KANK2: variants seen among roughly 807,000 people sequenced by gnomAD.
KANK2 encodes the protein KN motif and ankyrin repeat domains 2.
KANK2 carries 41 observed loss-of-function variants against 74.6 expected under a neutral mutation model. The observed-to-expected ratio is 0.55, with a 90% CI of 0.43 to 0.71. The LOEUF is 0.71. KANK2 is among the 30% of genes least tolerant of loss of function. The probability of loss-of-function intolerance (pLI) is 0.00; values close to 1 mark genes in which losing one functional copy is unlikely to be tolerated. For synonymous variants in KANK2, 537 were observed against 519.0 expected (o/e 1.03, Z -0.47); for missense variants, 1,148 against 1,196.4 (o/e 0.96, Z 0.60).
At position 11,192,967 on chromosome 19, in the gene KANK2, A is replaced by T. The variant is rs911398791; in HGVS notation, c.1113T>A (p.Gly371=). The part of the protein sequence containing the change: ...GTGLRALAMP[G]RPESPPVFRS... Reference sequence around the variant, plus strand: ...GGAACACAGGTGGGCTCTCAGGCCTACCAGGCATTGCCAGGGCCCTCAGCC... The same window carrying T: ...GGAACACAGGTGGGCTCTCAGGCCTTCCAGGCATTGCCAGGGCCCTCAGCC... The change falls in exon 4 of 13, where the codon GGT becomes GGA. Residue 371 remains glycine (G), a synonymous_variant. Transcript: ENST00000586659. The T allele has an allele frequency of 1.2e-6, 2 of 1,614,108 alleles. No homozygotes were observed. Among genetic ancestry groups the T allele is most frequent in the Admixed American group, 3.3e-5 (2 of 60,036 alleles).
At chr19:11,182,903 C>T (rs1257508206) in intron 4 of KANK2, among the ~76,000 whole-genome samples, 1 of 150,484 alleles carries the variant, frequency 6.6e-6, no homozygotes, top group Non-Finnish European at 1.5e-5. Flanking sequence ...CCAAAGCCCA[C>T]TCCGCCCCAA....
Position 11,194,492 on chromosome 19 carries a change from A to G in KANK2, c.20T>C (p.Val7Ala). 6.2e-7 allele frequency: 1 copy of G among 1,612,790 alleles called. No individual in the cohort carries two copies. Among genetic ancestry groups the G allele is most frequent in the Non-Finnish European group, 8.5e-7 (1 of 1,179,582 alleles). MAQVLH[V>A]PAPFPGTPGP... ...CCCCTGACCTGGGAAGGGAGCAGGC[A>G]CGTGCAGGACCTGGGCCATCTTCTT... Residue 7 changes from valine (V) to alanine (A), a missense_variant, in exon 3 of 13, where the codon GTG (valine) becomes GCG (alanine). Val to Ala is a moderately conservative substitution (Grantham distance 64). Coordinates refer to ENST00000586659, the MANE Select transcript of KANK2 (RefSeq NM_001136191.3).
chr19:11,191,015 G>A (rs1323823359), intron 4 of KANK2, among the ~76,000 whole-genome samples: 1 of 149,320 alleles, frequency 6.7e-6, no homozygotes, highest in Non-Finnish European at 1.5e-5. Context: ...ACAGGCGTGA[G>A]CCACCGTGCC....
chr19:11,193,353 G>T lies in KANK2; in HGVS notation c.727C>A (p.Arg243=), dbSNP rs752662319. The T allele has an allele frequency of 1.2e-6, 2 of 1,612,838 alleles. No individual in the cohort carries two copies. Among genetic ancestry groups the T allele is most frequent in the African/African-American group, 2.7e-5 (2 of 75,026 alleles). Residue 243 remains arginine, a synonymous_variant, in exon 4 of 13, where the codon CGG becomes AGG. Transcript: ENST00000586659. This position sits in a 1 kb window ranked among gnomAD's most constrained non-coding sequence, Gnocchi z 9.6. Reference sequence around the variant, plus strand: ...TCCAGGCAGAGCTCGCTGCGACCCCGGCCCGCTGTGGGGTGGCCCAGGAAC... The same window carrying T: ...TCCAGGCAGAGCTCGCTGCGACCCCTGCCCGCTGTGGGGTGGCCCAGGAAC... ...QKFLGHPTAG[R]GRSELCLDLP...
intron 6 of KANK2, 96 bp downstream of exon 6, chr19:11,178,249 G>T: frequency 1.8e-6 from 2 of 1,086,996 alleles, no homozygotes; most frequent in Non-Finnish European, 2.5e-6. Flanking sequence ...ACCAAAGCAA[G>T]GAGCTCAGAA....
At chr19:11,171,565 G>A (rs899933223) in intron 10 of KANK2, among the ~76,000 whole-genome samples, 2 of 151,024 alleles carry the variant, frequency 1.3e-5, no homozygotes, top group Non-Finnish European at 3.0e-5. Flanking sequence ...GGGGTGGGGG[G>A]GTGTCTCTAG....
chr19:11,174,204 T>C (rs1413175569), intron 9 of KANK2, among the ~76,000 whole-genome samples: 3 of 152,120 alleles, frequency 2.0e-5, no homozygotes, highest in East Asian at 1.9e-4. Context: ...TCCATCAGAC[T>C]GGGAGGGCCA....
chr19:11,188,396 G>T (rs911257386), intron 4 of KANK2, among the ~76,000 whole-genome samples: 2 of 148,876 alleles, frequency 1.3e-5, no homozygotes, highest in Non-Finnish European at 2.9e-5. Flanking sequence ...TTTAGTAGGG[G>T]TTTTTGCCAT....
rs2078158239 is a variant in KANK2 at position 11,170,980 on chromosome 19, C to A, written c.2212-732G>T. Among the ~76,000 whole-genome samples the A allele has an allele frequency of 6.6e-6, 1 of 152,212 alleles. No homozygotes were observed. Among genetic ancestry groups the A allele is most frequent in the Non-Finnish European group, 1.5e-5 (1 of 68,038 alleles). On this transcript the variant is annotated intron_variant, in intron 10 of 12. Coordinates refer to ENST00000586659, the MANE Select transcript of KANK2 (RefSeq NM_001136191.3). This position sits in a 1 kb window ranked among gnomAD's most constrained non-coding sequence, Gnocchi z 5.2. ...GAGATTACAGGCGTGTGCCACTACG[C>A]CCAGCTAATTTTTGTATTTTTAGTA...
At position 11,192,871 on chromosome 19, in the gene KANK2, C is replaced by T. The variant is rs769664857; in HGVS notation, c.1209G>A (p.Lys403=). ...AAATSNVHMV[K]KISITERSCD... is the part of the protein sequence containing the mutation. ...AGCTTCGCTCTGTGATGCTAATCTT[C>T]TTCACCATATGGACGTTGCTGGTAG... Residue 403 remains lysine (K), a synonymous_variant, in exon 4 of 13, where the codon AAG becomes AAA. Transcript: ENST00000586659. The T allele has an allele frequency of 4.4e-6, 7 of 1,602,580 alleles. No homozygotes were observed. The South Asian group carries it at 7.7e-5, about 18-fold the overall frequency.
intron 10 of KANK2, among the ~76,000 whole-genome samples, chr19:11,172,610 C>T (rs969860135): frequency 5.3e-5 from 8 of 152,180 alleles, no homozygotes; most frequent in Non-Finnish European, 7.3e-5. Context: ...TTTCCTGCAG[C>T]CCTGAGTCCA....
In KANK2 at chr19:11,178,549, T is replaced by C. The variant is rs965063830; in HGVS notation, c.1417+4A>G. The C allele has an allele frequency of 1.7e-5, 28 of 1,603,874 alleles. No homozygotes were observed. The highest frequency in any genetic ancestry group is 3.4e-6 in the Non-Finnish European group (4 of 1,176,618). Reference sequence around the variant, plus strand: ...GTCCCTCTTGGCGGCCACCCACCACTTACCGGTGCCCCCGGCCTCCTCGGA... The same window carrying C: ...GTCCCTCTTGGCGGCCACCCACCACCTACCGGTGCCCCCGGCCTCCTCGGA... On this transcript the variant is annotated splice_donor_region_variant and intron_variant, in intron 5 of 12. Coordinates refer to ENST00000586659, the MANE Select transcript of KANK2 (RefSeq NM_001136191.3).
Position 11,164,654 on chromosome 19 carries a change from C to T in KANK2, c.*1904G>A, listed in dbSNP as rs1222328733. 8 of 152,236 alleles carry T rather than the reference C, an allele frequency of 5.3e-5. No homozygotes were observed. In the East Asian group the frequency reaches 1.5e-3, roughly 29 times the overall value. 9.4% of individuals were successfully genotyped at this position (152,236 alleles called of 1,614,324 possible). A position where few individuals can be genotyped will look rare whatever the true frequency, so the allele number is the denominator to read the frequency against. ...TCAGACACCCACAATTAATTGTTTC[C>T]AATCAGCTTTGGTTTTGTTTTCTCT... On this transcript the variant is annotated 3_prime_UTR_variant, in exon 13 of 13. Transcript: ENST00000586659.
At chr19:11,169,780 G>A (rs866328893) in intron 12 of KANK2, 97 bp downstream of exon 12, 27 of 1,037,526 alleles carry the variant, frequency 2.6e-5, no homozygotes, top group Non-Finnish European at 3.5e-5. Context: ...CACCCTGGGC[G>A]ACAGAGTGAG....
chr19:11,187,045 C>T (rs2078696577), intron 4 of KANK2, among the ~76,000 whole-genome samples: 1 of 152,068 alleles, frequency 6.6e-6, no homozygotes, highest in Non-Finnish European at 1.5e-5. Flanking sequence ...ATCATGAGGT[C>T]AGGAGTTCGA....
At chr19:11,190,288 C>A (rs2147590614) in intron 4 of KANK2, among the ~76,000 whole-genome samples, 1 of 152,232 alleles carries the variant, frequency 6.6e-6, no homozygotes, top group South Asian at 2.1e-4. Flanking sequence ...CCAACACGCC[C>A]AGCTAATTTT....
intron 9 of KANK2, 120 bp downstream of exon 9, chr19:11,174,353 G>T: frequency 1.3e-6 from 1 of 797,534 alleles, no homozygotes; most frequent in Non-Finnish European, 2.1e-6. Flanking sequence ...ATACTGAGAA[G>T]GCCGCGTCTC....
chr19:11,189,822 G>A (rs1369329660), intron 4 of KANK2, among the ~76,000 whole-genome samples: 1 of 152,076 alleles, frequency 6.6e-6, no homozygotes, highest in Non-Finnish European at 1.5e-5. Context: ...AGCTGCTCTG[G>A]GAGGCACGTC....
At chr19:11,184,868 A>G (rs1208285944) in intron 4 of KANK2, among the ~76,000 whole-genome samples, 1 of 148,156 alleles carries the variant, frequency 6.7e-6, no homozygotes, top group African/African-American at 2.5e-5. Flanking sequence ...CTGGAGGGCA[A>G]TGGCGTGATC....
Sources: gnomAD v4.1 joint callset for allele counts (sites outside exome capture counted in the v4.1 genomes callset) on GRCh38, gnomAD v4.1.1 for gene constraint, Gnocchi (gnomAD v3.1) non-coding constraint, MANE v1.5 for transcripts, NCBI Gene and HGNC (gene_info 2026-07-23, HGNC 2026-07-21) for gene names.